Variants in VTI1A observed in about 807,000 individuals in gnomAD.
The protein encoded by VTI1A is vesicle transport through interaction with t-SNAREs 1A.
Under a neutral mutation model 34.9 loss-of-function variants are expected in VTI1A, and 22 were observed. The ratio of observed to expected loss-of-function variants is 0.63; its 90% confidence interval spans 0.45 to 0.90. VTI1A has a LOEUF of 0.90. Ranked by LOEUF, VTI1A falls within the 40% of genes least tolerant of loss-of-function variation. VTI1A has a pLI of 0.00. For missense variants in VTI1A, 268 were observed against 275.6 expected (o/e 0.97, Z 0.20); for synonymous variants, 87 against 97.3 (o/e 0.89, Z 0.62).
At chr10:112,590,637 A>T (rs934066372) in intron 5 of VTI1A, among the ~76,000 whole-genome samples, 1 of 152,062 alleles carries the variant, frequency 6.6e-6, no homozygotes, top group Admixed American at 6.5e-5. Context: ...AGCTGTGGTC[A>T]CGCCACTGCA....
rs1847835943 is a variant in VTI1A at position 112,464,590 on chromosome 10, G to C, written c.197G>C (p.Ser66Thr). Residue 66 changes from serine to threonine, a missense_variant, in exon 3 of 8, where the codon AGT becomes ACT. Coordinates refer to ENST00000393077, the MANE Select transcript of VTI1A (RefSeq NM_145206.4). ...DLEVREIPPQ[S>T]RGMYSNRMRS... Reference sequence around the variant, plus strand: ...GAAGTCCGAGAGATACCACCCCAAAGTCGAGGGATGTACAGCAACAGAATG... The same window carrying C: ...GAAGTCCGAGAGATACCACCCCAAACTCGAGGGATGTACAGCAACAGAATG... 2 of 1,613,022 alleles carry C rather than the reference G, an allele frequency of 1.2e-6. No homozygotes were observed. The highest frequency in any genetic ancestry group is 1.7e-5 in the Admixed American group (1 of 60,026).
intron 2 of VTI1A, among the ~76,000 whole-genome samples, chr10:112,462,144 G>C (rs2419634): frequency 0.71 from 108,018 of 152,216 alleles, 39,708 homozygotes; most frequent in Non-Finnish European, 0.8. Flanking sequence ...GCCACTGTGC[G>C]CAGCCGATAC....
At chr10:112,782,374 G>T (rs1003006960) in intron 7 of VTI1A, among the ~76,000 whole-genome samples, 1 of 152,268 alleles carries the variant, frequency 6.6e-6, no homozygotes, top group African/African-American at 2.4e-5. Context: ...ATCAGGCCAG[G>T]CCCTGCGTGA....
intron 7 of VTI1A, among the ~76,000 whole-genome samples, chr10:112,729,226 G>C (rs774427619): frequency 6.6e-6 from 1 of 151,732 alleles, no homozygotes; most frequent in Non-Finnish European, 1.5e-5. Flanking sequence ...ATGACCAAAA[G>C]TGTGTTTCTC....
intron 5 of VTI1A, among the ~76,000 whole-genome samples, chr10:112,556,279 G>A (rs1366069633): frequency 1.3e-5 from 2 of 151,890 alleles, no homozygotes; most frequent in Admixed American, 1.3e-4. Context: ...TCACATCATC[G>A]TTGTTTTGTA....
At chr10:112,771,078 C>G (rs542705118) in intron 7 of VTI1A, among the ~76,000 whole-genome samples, 1 of 152,096 alleles carries the variant, frequency 6.6e-6, no homozygotes, top group African/African-American at 2.4e-5. Flanking sequence ...TGAGCACACA[C>G]GGGCGCCCTT....
At position 112,687,807 on chromosome 10, in the gene VTI1A, A is replaced by G. The variant is rs1355598848; in HGVS notation, c.560+18809A>G. 1.6e-4 allele frequency among the ~76,000 whole-genome samples: 24 copies of G among 152,250 alleles called. 1 individual carries two copies. ...GGGCTGATTTCATCAGCATGACTAA[A>G]GCTGACAGAGTACTTGAGAGGACCT... On this transcript the variant is annotated intron_variant, in intron 7 of 7. Transcript: ENST00000393077.
chr10:112,512,269 T>C (rs988052595), intron 3 of VTI1A, among the ~76,000 whole-genome samples: 2 of 152,190 alleles, frequency 1.3e-5, no homozygotes, highest in Non-Finnish European at 2.9e-5. Context: ...GAATATTTCA[T>C]TGTGGTTTTG....
At chr10:112,540,723 T>C (rs889843872) in intron 5 of VTI1A, among the ~76,000 whole-genome samples, 1 of 152,214 alleles carries the variant, frequency 6.6e-6, no homozygotes, top group African/African-American at 2.4e-5. Flanking sequence ...GGCTTGTCAA[T>C]CCATAGCTCT....
chr10:112,534,078 T>A (rs925272548), intron 4 of VTI1A, among the ~76,000 whole-genome samples: 16 of 152,148 alleles, frequency 1.1e-4, no homozygotes, highest in African/African-American at 3.9e-4. Flanking sequence ...TGTACATAGA[T>A]ACCTAAGAAT....
chr10:112,585,421 A>G (rs1451782212), intron 5 of VTI1A, among the ~76,000 whole-genome samples: 3 of 152,198 alleles, frequency 2.0e-5, no homozygotes, highest in African/African-American at 7.2e-5. Context: ...TGACATCTGA[A>G]CATTCTTAAC....
intron 5 of VTI1A, among the ~76,000 whole-genome samples, chr10:112,556,861 A>T (rs1310175597): frequency 6.6e-6 from 1 of 152,104 alleles, no homozygotes; most frequent in Non-Finnish European, 1.5e-5. Flanking sequence ...TGGCATCTAA[A>T]TATTTAAAAT....
intron 5 of VTI1A, among the ~76,000 whole-genome samples, chr10:112,633,426 C>G (rs968568887): frequency 2.6e-5 from 4 of 152,098 alleles, no homozygotes; most frequent in Admixed American, 6.5e-5. Context: ...TTTTTTCCTT[C>G]AAGTATAATG....
chr10:112,675,702 A>G (rs1848000669), intron 7 of VTI1A, among the ~76,000 whole-genome samples: 1 of 152,202 alleles, frequency 6.6e-6, no homozygotes, highest in Non-Finnish European at 1.5e-5. Context: ...TTATTTCTAT[A>G]TCTAACTTTG....
rs6144094 is a variant in VTI1A, at chr10:112,618,524, T to TAG, written c.428-49671_428-49670dup. On this transcript the variant is annotated intron_variant, in intron 5 of 7. Transcript: ENST00000393077. ...ATATATATATATATATATATATATA[T>TAG]AGAGAGAGAGAGAGAGAGAGAGAGT... 2.8e-3 allele frequency among the ~76,000 whole-genome samples: 98 copies of TAG among 34,576 alleles called. 4 individuals are homozygous for TAG. Among genetic ancestry groups the TAG allele is most frequent in the East Asian group, 0.021 (15 of 704 alleles). 22.7% of individuals were successfully genotyped at this position (34,576 alleles called of 152,430 possible).
At chr10:112,512,967 A>G (rs1483590563) in intron 3 of VTI1A, among the ~76,000 whole-genome samples, 1 of 152,144 alleles carries the variant, frequency 6.6e-6, no homozygotes, top group Non-Finnish European at 1.5e-5. Context: ...AAAGTCAGAT[A>G]ATGTAATGCC....
intron 7 of VTI1A, among the ~76,000 whole-genome samples, chr10:112,794,777 T>A (rs2134062592): frequency 6.6e-6 from 1 of 152,282 alleles, no homozygotes; most frequent in African/African-American, 2.4e-5. Context: ...TAATGATGAC[T>A]AGGATAGGGT....
chr10:112,595,899 C>T (rs1010285920), intron 5 of VTI1A, among the ~76,000 whole-genome samples: 1 of 152,150 alleles, frequency 6.6e-6, no homozygotes, highest in East Asian at 1.9e-4. Flanking sequence ...ATAGGAAAGA[C>T]TTGGAACCAA....
rs183131795 is a variant in VTI1A, at chr10:112,751,315, G to A, written c.561-63975G>A. On this transcript the variant is annotated intron_variant, in intron 7 of 7. Coordinates refer to ENST00000393077, the MANE Select transcript of VTI1A (RefSeq NM_145206.4). ...AGACCCCAATGACCTGCCAGGGCAC[G>A]TAGAGAGAGCAGGCTACTTGAGGGC... Among the ~76,000 whole-genome samples, 549 of 152,192 alleles carry A rather than the reference G, an allele frequency of 3.6e-3. 6 individuals are homozygous for A. The highest frequency in any genetic ancestry group is 0.013 in the African/African-American group (526 of 41,516).
Sources: gnomAD v4.1 joint callset for allele counts (sites outside exome capture counted in the v4.1 genomes callset) on GRCh38, gnomAD v4.1.1 for gene constraint, MANE v1.5 for transcripts, NCBI Gene and HGNC (gene_info 2026-07-23, HGNC 2026-07-21) for gene names.